Variants in TAFA5 observed in about 807,000 individuals in gnomAD.
TAFA5 encodes the protein TAFA chemokine like family member 5.
TAFA5 carries 6 observed loss-of-function variants against 15.3 expected under a neutral mutation model. That is an observed-to-expected ratio of 0.39 (90% CI 0.21 to 0.77). TAFA5 has a LOEUF of 0.77. TAFA5 is among the 30% of genes least tolerant of loss of function. TAFA5 has a pLI of 0.41. For missense variants in TAFA5, 161 were observed against 193.1 expected, an observed-to-expected ratio of 0.83 and a Z score of 0.98; for synonymous variants, 103 against 80.7, an observed-to-expected ratio of 1.28 and a Z score of -1.48.
intron 1 of TAFA5, among the ~76,000 whole-genome samples, chr22:48,558,274 C>T (rs1209951786): frequency 2.0e-5 from 3 of 152,228 alleles, no homozygotes; most frequent in Non-Finnish European, 2.9e-5. Context: ...TCATCGTCTG[C>T]TTTTCCTCGG....
intron 3 of TAFA5, among the ~76,000 whole-genome samples, chr22:48,711,109 A>G (rs1277259615): frequency 6.6e-6 from 1 of 152,202 alleles, no homozygotes; most frequent in Non-Finnish European, 1.5e-5. Flanking sequence ...TGCAGGGACC[A>G]GGGACATGGG....
chr22:48,642,656 G>A (rs1026178533), intron 1 of TAFA5, among the ~76,000 whole-genome samples: 11 of 152,172 alleles, frequency 7.2e-5, no homozygotes, highest in African/African-American at 2.7e-4. Context: ...GTGTGTGACT[G>A]TGTGGTCTGT....
At chr22:48,516,353 A>T (rs1348612502) in intron 1 of TAFA5, among the ~76,000 whole-genome samples, 2 of 152,136 alleles carry the variant, frequency 1.3e-5, no homozygotes, top group East Asian at 3.9e-4. Flanking sequence ...GTGCCATTTA[A>T]TTCCTGCGAT....
At chr22:48,533,834 T>G (rs1414822586) in intron 1 of TAFA5, among the ~76,000 whole-genome samples, 2 of 152,072 alleles carry the variant, frequency 1.3e-5, no homozygotes, top group South Asian at 4.1e-4. Context: ...TCCAGAAATA[T>G]GAGAAAATGG....
chr22:48,615,709 C>A (rs564184892), intron 1 of TAFA5, among the ~76,000 whole-genome samples: 1 of 152,202 alleles, frequency 6.6e-6, no homozygotes, highest in East Asian at 1.9e-4. Flanking sequence ...CCATCCCCCC[C>A]TCTCCAGGAG....
rs1003017323 is a variant in TAFA5, at chr22:48,490,234, C to G, written c.112+530C>G. ...CCGCTTTCCCGGGAAACGGGCTCGT[C>G]AGGCGCCTTCTGGAAAGAGAAGCGA... On this transcript the variant is annotated intron_variant, in intron 1 of 3. Transcript: ENST00000402357. The surrounding 1 kb of genome is among the most constrained non-coding windows in gnomAD (Gnocchi z 5.8). 4.6e-5 allele frequency among the ~76,000 whole-genome samples: 7 copies of G among 152,132 alleles called. No individual in the cohort carries two copies. Among genetic ancestry groups the G allele is most frequent in the Non-Finnish European group, 1.0e-4 (7 of 68,008 alleles).
intron 1 of TAFA5, among the ~76,000 whole-genome samples, chr22:48,630,443 G>GGCCTTTATTCATT (rs1926178524): frequency 6.6e-6 from 1 of 152,262 alleles, no homozygotes; most frequent in East Asian, 1.9e-4. Flanking sequence ...GGGCGTGCGT[G>GGCCTTTATTCATT]GCCTTTATTC....
intron 3 of TAFA5, among the ~76,000 whole-genome samples, chr22:48,713,578 C>T (rs1256331835): frequency 6.6e-6 from 1 of 152,218 alleles, no homozygotes; most frequent in Non-Finnish European, 1.5e-5. Flanking sequence ...ACCTACAAGC[C>T]CCTCTGGGAA....
At chr22:48,694,795 TC>T (rs1336210900) in intron 2 of TAFA5, among the ~76,000 whole-genome samples, 46 of 28,652 alleles carry the variant, frequency 1.6e-3, no homozygotes, top group Middle Eastern at 0.018. Context: ...CCCCCACCGC[TC>T]CAGACCTCCG....
chr22:48,595,097 G>A (rs940145582), intron 1 of TAFA5, among the ~76,000 whole-genome samples: 4 of 152,156 alleles, frequency 2.6e-5, no homozygotes, highest in Admixed American at 1.3e-4. Flanking sequence ...GCCTGAATTT[G>A]GCTTTGGAAT....
At chr22:48,548,963 G>A (rs1569021952) in intron 1 of TAFA5, among the ~76,000 whole-genome samples, 1 of 152,226 alleles carries the variant, frequency 6.6e-6, no homozygotes, top group East Asian at 1.9e-4. Flanking sequence ...CACCCATGCT[G>A]GAAGAGCCTT....
intron 1 of TAFA5, among the ~76,000 whole-genome samples, chr22:48,506,707 C>T (rs570742979): frequency 5.3e-5 from 8 of 152,308 alleles, no homozygotes; most frequent in South Asian, 4.1e-4. Flanking sequence ...GACGCCACTG[C>T]GCTCAGGGCA....
At chr22:48,501,166 C>T (rs1920949472) in intron 1 of TAFA5, among the ~76,000 whole-genome samples, 1 of 152,206 alleles carries the variant, frequency 6.6e-6, no homozygotes, top group East Asian at 1.9e-4. Context: ...CCCCTCCCTC[C>T]GCGCTGCCAC....
chr22:48,683,807 G>A (rs78789652), intron 2 of TAFA5, among the ~76,000 whole-genome samples: 4,997 of 152,258 alleles, frequency 0.033, 261 homozygotes, highest in African/African-American at 0.11. Context: ...GATCATGGGC[G>A]CGGTTTTCCC....
chr22:48,676,611 C>G (rs999954513), intron 2 of TAFA5, among the ~76,000 whole-genome samples: 1 of 152,220 alleles, frequency 6.6e-6, no homozygotes, highest in Non-Finnish European at 1.5e-5. Context: ...AATGGCCCCC[C>G]ACGAGGAAGG....
chr22:48,610,013 G>A (rs1161713628), intron 1 of TAFA5, among the ~76,000 whole-genome samples: 2 of 152,242 alleles, frequency 1.3e-5, no homozygotes, highest in Admixed American at 6.5e-5. Context: ...TCCAAAGAAG[G>A]TGACAGTTAC....
At chr22:48,596,536 A>T (rs1391018008) in intron 1 of TAFA5, among the ~76,000 whole-genome samples, 3 of 152,156 alleles carry the variant, frequency 2.0e-5, no homozygotes, top group Admixed American at 2.0e-4. Flanking sequence ...AGCAGATGGC[A>T]GTTTCCATCT....
chr22:48,618,567 C>T (rs552998755), intron 1 of TAFA5, among the ~76,000 whole-genome samples: 1 of 152,356 alleles, frequency 6.6e-6, no homozygotes, highest in East Asian at 1.9e-4. Context: ...GCAGCTCCGT[C>T]TGGGAAGTCC....
intron 2 of TAFA5, among the ~76,000 whole-genome samples, chr22:48,674,074 G>A (rs1927890795): frequency 6.6e-6 from 1 of 151,828 alleles, no homozygotes; most frequent in South Asian, 2.1e-4. Flanking sequence ...CTCACATCTG[G>A]ACTCCTCTTC....
Sources: gnomAD v4.1 joint callset for allele counts (sites outside exome capture counted in the v4.1 genomes callset) on GRCh38, gnomAD v4.1.1 for gene constraint, Gnocchi (gnomAD v3.1) non-coding constraint, MANE v1.5 for transcripts, NCBI Gene and HGNC (gene_info 2026-07-23, HGNC 2026-07-21) for gene names.